Variants in TMEM156 observed in about 807,000 individuals in gnomAD.
TMEM156 encodes transmembrane protein 156.
A neutral mutation model predicts 30.5 loss-of-function variants in TMEM156; 28 were observed. The observed-to-expected ratio is 0.92, with a 90% CI of 0.68 to 1.26. The LOEUF (loss-of-function observed/expected upper bound fraction) is 1.26. Among genes scored for constraint, TMEM156 ranks in the 50% most tolerant of loss-of-function variants. TMEM156 has a pLI of 0.00. For synonymous variants in TMEM156, 137 were observed against 119.9 expected (o/e 1.14, Z -0.93); for missense variants, 351 against 340.6 (o/e 1.03, Z -0.24).
intron 1 of TMEM156, among the ~76,000 whole-genome samples, chr4:39,007,933 G>T (rs1312603476): frequency 6.6e-6 from 1 of 151,998 alleles, no homozygotes; most frequent in African/African-American, 2.4e-5. Context: ...TATGTTTTCT[G>T]TCTGTTGGTA....
chr4:39,021,763 C>T (rs1714885949), intron 1 of TMEM156, among the ~76,000 whole-genome samples: 1 of 152,118 alleles, frequency 6.6e-6, no homozygotes, highest in Non-Finnish European at 1.5e-5. Flanking sequence ...AGTAGTTTTA[C>T]AGTTTAGGTC....
intron 3 of TMEM156, among the ~76,000 whole-genome samples, chr4:38,993,416 A>G (rs1712684647): frequency 6.6e-6 from 1 of 152,000 alleles, no homozygotes; most frequent in African/African-American, 2.4e-5. Flanking sequence ...TGGGCAACAG[A>G]GTGAGACCCT....
At chr4:38,991,443 A>G (rs1359290490) in intron 3 of TMEM156, among the ~76,000 whole-genome samples, 1 of 150,784 alleles carries the variant, frequency 6.6e-6, no homozygotes, top group East Asian at 2.0e-4. Context: ...CTAGTCTCGA[A>G]CTCCTGTGCT....
intron 5 of TMEM156, among the ~76,000 whole-genome samples, chr4:38,975,022 A>G (rs953442225): frequency 6.6e-6 from 1 of 152,110 alleles, no homozygotes; most frequent in Non-Finnish European, 1.5e-5. Flanking sequence ...GGGCAGGAAT[A>G]AATAGGCCAT....
chr4:38,992,700 A>AAT (rs527502000), intron 3 of TMEM156, among the ~76,000 whole-genome samples: 63 of 44,186 alleles, frequency 1.4e-3, no homozygotes, highest in South Asian at 0.012. Flanking sequence ...TATATTATAT[A>AAT]ATATATATAT....
intron 1 of TMEM156, among the ~76,000 whole-genome samples, chr4:39,021,623 T>C (rs1293508084): frequency 2.0e-5 from 3 of 152,204 alleles, no homozygotes; most frequent in Non-Finnish European, 4.4e-5. Context: ...TCCTTTGCTA[T>C]GCAGAAGATT....
chr4:39,005,933 G>C (rs1240649083), intron 1 of TMEM156, among the ~76,000 whole-genome samples: 1 of 152,050 alleles, frequency 6.6e-6, no homozygotes, highest in Non-Finnish European at 1.5e-5. Context: ...CTCTCACTCT[G>C]TTGCCAGGCT....
intron 1 of TMEM156, among the ~76,000 whole-genome samples, chr4:39,007,847 T>C (rs1560377642): frequency 6.6e-6 from 1 of 152,146 alleles, no homozygotes; most frequent in Non-Finnish European, 1.5e-5. Flanking sequence ...TATATATTAT[T>C]AGATTAATAA....
chr4:38,981,024 A>T (rs778946094), intron 5 of TMEM156: 12 of 865,888 alleles, frequency 1.4e-5, no homozygotes, highest in Non-Finnish European at 1.5e-5. Context: ...CTTCACTTTG[A>T]TCCATTCTGT....
intron 4 of TMEM156, among the ~76,000 whole-genome samples, chr4:38,987,651 A>T (rs1712100950): frequency 6.6e-6 from 1 of 152,236 alleles, no homozygotes; most frequent in Admixed American, 6.5e-5. Flanking sequence ...CTGTCCTTTA[A>T]TGAAAACTAA....
intron 3 of TMEM156, among the ~76,000 whole-genome samples, chr4:38,992,770 TTG>T (rs200650669): frequency 0.14 from 15,922 of 112,420 alleles, 1,320 homozygotes; most frequent in East Asian, 0.35. Context: ...ATATTTTTTT[TTG>T]TCTTTTCAAG....
Position 38,988,817 on chromosome 4 carries a change from A to T in TMEM156, c.739+34T>A, listed in dbSNP as rs774035380. ...GGAAATGAAATCCATAGAAGAGATC[A>T]GGAGTTCCTCGGCACTACAGGGATT... On this transcript the variant is annotated intron_variant, in intron 4 of 6. Transcript: ENST00000381938. 10 of 1,612,698 alleles carry T rather than the reference A, an allele frequency of 6.2e-6. No homozygotes were observed. The African/African-American group carries it at 1.3e-4, about 22-fold the overall frequency.
chr4:38,976,631 G>A (rs1307765299), intron 5 of TMEM156, among the ~76,000 whole-genome samples: 2 of 152,182 alleles, frequency 1.3e-5, no homozygotes, highest in Non-Finnish European at 2.9e-5. Flanking sequence ...CTAAGTGTGT[G>A]GTAATTGGTT....
chr4:39,001,788 T>C lies in TMEM156; in HGVS notation c.89-2879A>G, dbSNP rs1360925367. Among the ~76,000 whole-genome samples, 23 of 149,540 alleles carry C rather than the reference T, an allele frequency of 1.5e-4. No individual in the cohort carries two copies. In the Admixed American group the frequency reaches 1.6e-3, roughly 10 times the overall value. ...AGAAAAACAAGCAATGGGGAAAGGATTCCCTATTTAATAAATGGTGCTGGG... is the reference window on the plus strand; with the variant it reads ...AGAAAAACAAGCAATGGGGAAAGGACTCCCTATTTAATAAATGGTGCTGGG... On this transcript the variant is annotated intron_variant, in intron 1 of 6. Transcript: ENST00000381938.
chr4:39,011,821 A>C (rs186271867), intron 1 of TMEM156, among the ~76,000 whole-genome samples: 1 of 152,272 alleles, frequency 6.6e-6, no homozygotes. Flanking sequence ...TACACCATGG[A>C]ATACTATTCA....
chr4:38,973,318 T>G (rs1261762473), intron 5 of TMEM156, among the ~76,000 whole-genome samples: 2 of 152,194 alleles, frequency 1.3e-5, no homozygotes, highest in Non-Finnish European at 2.9e-5. Context: ...TTAGCATCTT[T>G]ATATATTCGT....
intron 1 of TMEM156, among the ~76,000 whole-genome samples, chr4:39,013,385 A>G (rs1221810464): frequency 1.1e-5 from 1 of 90,174 alleles, no homozygotes; most frequent in Admixed American, 9.5e-5. Context: ...TTATTTATTT[A>G]TTTATTTATT....
At chr4:38,976,998 C>A (rs946987648) in intron 5 of TMEM156, among the ~76,000 whole-genome samples, 2 of 152,170 alleles carry the variant, frequency 1.3e-5, no homozygotes, top group Admixed American at 1.3e-4. Flanking sequence ...CTCCACCTCC[C>A]AAGTTCAAGC....
chr4:39,004,926 G>T (rs111620353), intron 1 of TMEM156, among the ~76,000 whole-genome samples: 12 of 152,272 alleles, frequency 7.9e-5, no homozygotes, highest in Non-Finnish European at 1.8e-4. Flanking sequence ...AGACCTGTAC[G>T]TGAATTTTTA....
Sources: allele counts gnomAD v4.1 joint callset (sites outside exome capture counted in the v4.1 genomes callset), GRCh38; gene constraint gnomAD v4.1.1; transcripts MANE v1.5; gene names NCBI Gene and HGNC (gene_info 2026-07-23, HGNC 2026-07-21).